CAMTA1: variants seen among roughly 807,000 people sequenced by gnomAD.
CAMTA1 encodes the protein calmodulin binding transcription activator 1, also known as calmodulin-binding transcription activator 1.
A neutral mutation model predicts 170.9 loss-of-function variants in CAMTA1; 27 were observed. The ratio of observed to expected loss-of-function variants is 0.16; its 90% CI spans 0.12 to 0.22. CAMTA1 has a LOEUF of 0.22. CAMTA1 is among the 10% of genes least tolerant of loss of function. CAMTA1 has a pLI of 1.00. For synonymous variants in CAMTA1, 833 were observed against 891.5 expected (o/e 0.93, Z 1.17); for missense variants, 1,619 against 2,217.2 (o/e 0.73, Z 5.42).
intron 3 of CAMTA1, among the ~76,000 whole-genome samples, chr1:7,045,249 C>G (rs764501405): frequency 3.9e-5 from 6 of 152,132 alleles, no homozygotes; most frequent in Non-Finnish European, 8.8e-5. Flanking sequence ...GTGGCAGAAC[C>G]CAAAAGCTTG....
At chr1:7,336,941 C>G (rs973827206) in intron 5 of CAMTA1, among the ~76,000 whole-genome samples, 2 of 152,216 alleles carry the variant, frequency 1.3e-5, no homozygotes, top group Non-Finnish European at 2.9e-5. Flanking sequence ...TCCTCTGGAT[C>G]ATAGCTCCTA....
intron 4 of CAMTA1, among the ~76,000 whole-genome samples, chr1:7,116,814 ATTTTTT>A (rs1162895812): frequency 7.0e-6 from 1 of 142,862 alleles, no homozygotes; most frequent in African/African-American, 2.6e-5. Flanking sequence ...CGCCTGGCTA[ATTTTTT>A]TTTTTGTATT....
chr1:6,880,815 T>A (rs766354099), intron 3 of CAMTA1, among the ~76,000 whole-genome samples: 1 of 152,202 alleles, frequency 6.6e-6, no homozygotes, highest in Non-Finnish European at 1.5e-5. Flanking sequence ...TAAATACTTA[T>A]TGAATACCGA....
At chr1:7,568,065 G>A (rs574483896) in intron 6 of CAMTA1, among the ~76,000 whole-genome samples, 6 of 152,114 alleles carry the variant, frequency 3.9e-5, no homozygotes, top group South Asian at 4.1e-4. Flanking sequence ...CATTACCACC[G>A]TCATCACTAC....
intron 3 of CAMTA1, among the ~76,000 whole-genome samples, chr1:6,886,724 A>G (rs1057287440): frequency 2.0e-5 from 3 of 152,250 alleles, no homozygotes; most frequent in Non-Finnish European, 4.4e-5. Context: ...AGCTCATCCC[A>G]TGAAAACTCA....
intron 3 of CAMTA1, among the ~76,000 whole-genome samples, chr1:6,935,843 C>T (rs1685216257): frequency 6.6e-6 from 1 of 152,066 alleles, no homozygotes. Flanking sequence ...CTAGACAGTC[C>T]CTGGTGGACC....
intron 5 of CAMTA1, among the ~76,000 whole-genome samples, chr1:7,322,173 C>T (rs771146855): frequency 1.3e-5 from 2 of 152,194 alleles, no homozygotes; most frequent in Non-Finnish European, 2.9e-5. Context: ...AACAAACCTG[C>T]GTTGGTTGCC....
intron 6 of CAMTA1, among the ~76,000 whole-genome samples, chr1:7,604,841 C>T (rs1273923672): frequency 1.3e-5 from 2 of 152,052 alleles, no homozygotes; most frequent in Admixed American, 6.6e-5. Context: ...ATCATGGTGA[C>T]GTACAGATGG....
rs1674399463 is a variant in CAMTA1, at chr1:7,299,139, A to G, written c.438+49513A>G. ...TCAAAGTCTCTGAAAATTCTGTTTTAAAATATGTGCTGGAGGTGGGGAGAC... is the reference window on the plus strand; with the variant it reads ...TCAAAGTCTCTGAAAATTCTGTTTTGAAATATGTGCTGGAGGTGGGGAGAC... On this transcript the variant is annotated intron_variant, in intron 5 of 22. Transcript: ENST00000303635. The surrounding 1 kb of genome is among the most constrained non-coding windows in gnomAD (Gnocchi z 4.7). 6.6e-6 allele frequency among the ~76,000 whole-genome samples: 1 copy of G among 152,200 alleles called. No homozygotes were observed. Among genetic ancestry groups the G allele is most frequent in the Admixed American group, 6.5e-5 (1 of 15,288 alleles).
chr1:7,566,651 C>T (rs2095046448), intron 6 of CAMTA1, among the ~76,000 whole-genome samples: 1 of 152,220 alleles, frequency 6.6e-6, no homozygotes, highest in African/African-American at 2.4e-5. Flanking sequence ...CTGGCTGGGC[C>T]ACAGAGCCCT....
intron 4 of CAMTA1, among the ~76,000 whole-genome samples, chr1:7,091,719 A>C (rs553344024): frequency 1.3e-5 from 2 of 152,334 alleles, no homozygotes; most frequent in South Asian, 4.2e-4. Context: ...CGTGCTTTGA[A>C]AAAAGAGAAA....
At chr1:7,760,633 G>C (rs2096967680) in intron 22 of CAMTA1, among the ~76,000 whole-genome samples, 1 of 152,176 alleles carries the variant, frequency 6.6e-6, no homozygotes, top group African/African-American at 2.4e-5. Context: ...ACAGTGGTGT[G>C]TGTTAAATTG....
intron 5 of CAMTA1, among the ~76,000 whole-genome samples, chr1:7,352,475 A>G (rs2084758011): frequency 6.6e-6 from 1 of 152,212 alleles, no homozygotes; most frequent in Admixed American, 6.5e-5. Context: ...ACGGAGACAC[A>G]GTGGCTGAGC....
chr1:7,633,718 A>G lies in CAMTA1; in HGVS notation c.511-6682A>G, dbSNP rs980807543. Among the ~76,000 whole-genome samples the G allele has an allele frequency of 2.6e-5, 4 of 152,228 alleles. No individual in the cohort carries two copies. In the East Asian group the frequency reaches 7.7e-4, roughly 29 times the overall value. ...CAGTAAGTAGGATGGAGCCCCTGCC[A>G]TGTGGCTGCCCCGCAGACAGAGTCC... On this transcript the variant is annotated intron_variant, in intron 6 of 22. Coordinates refer to ENST00000303635, the MANE Select transcript of CAMTA1 (RefSeq NM_015215.4). The surrounding 1 kb of genome is among the most constrained non-coding windows in gnomAD (Gnocchi z 4.1).
At chr1:7,704,862 C>G (rs1387162468) in intron 11 of CAMTA1, among the ~76,000 whole-genome samples, 5 of 146,986 alleles carry the variant, frequency 3.4e-5, no homozygotes, top group Non-Finnish European at 6.0e-5. Flanking sequence ...CGGCGCAAGC[C>G]TGACGAGCAG....
chr1:7,655,200 A>C (rs1349988149), intron 7 of CAMTA1, among the ~76,000 whole-genome samples: 12 of 140,300 alleles, frequency 8.6e-5, no homozygotes, highest in Non-Finnish European at 1.4e-4. Context: ...ACACACCCCT[A>C]TACACACAAA....
chr1:6,826,180 C>T (rs533613727), intron 3 of CAMTA1, among the ~76,000 whole-genome samples: 10 of 152,242 alleles, frequency 6.6e-5, no homozygotes, highest in East Asian at 1.9e-4. Context: ...TTTTGTTTTG[C>T]GTGGTGGGAG....
intron 6 of CAMTA1, among the ~76,000 whole-genome samples, chr1:7,563,302 TC>T (rs2094986270): frequency 6.6e-6 from 1 of 152,012 alleles, no homozygotes; most frequent in South Asian, 2.1e-4. Context: ...CTGGCCCAAC[TC>T]CTTACGGAGA....
intron 6 of CAMTA1, among the ~76,000 whole-genome samples, chr1:7,597,383 T>C (rs1305258323): frequency 6.6e-6 from 1 of 152,196 alleles, no homozygotes; most frequent in Admixed American, 6.6e-5. Context: ...CGAGTTTTTC[T>C]TCTTATTGAC....
Sources: allele counts gnomAD v4.1 joint callset (sites outside exome capture counted in the v4.1 genomes callset), GRCh38; gene constraint gnomAD v4.1.1; non-coding constraint Gnocchi (gnomAD v3.1); transcripts MANE v1.5; gene names NCBI Gene and HGNC (gene_info 2026-07-23, HGNC 2026-07-21).